The following SMG5 variants were observed in gnomAD, a reference collection of about 807,000 sequenced individuals.
The protein encoded by SMG5 is SMG5 nonsense mediated mRNA decay factor.
A neutral mutation model predicts 122.9 loss-of-function variants in SMG5; 53 were observed. The observed-to-expected ratio is 0.43, with a 90% confidence interval of 0.35 to 0.54. SMG5 has a LOEUF of 0.54. SMG5 is among the 20% of genes least tolerant of loss of function. SMG5 has a pLI of 0.01. For missense variants in SMG5, 1,153 were observed against 1,285.6 expected (o/e 0.90, Z 1.58); for synonymous variants, 477 against 490.2 (o/e 0.97, Z 0.35).
intron 4 of SMG5, among the ~76,000 whole-genome samples, chr1:156,275,393 T>C (rs1158258353): frequency 6.6e-6 from 1 of 152,224 alleles, no homozygotes; most frequent in Non-Finnish European, 1.5e-5. Flanking sequence ...TTGAGATCTT[T>C]GGAAGGCAGT....
Position 156,260,640 on chromosome 1 carries a change from G to T in SMG5, c.2108-14C>A. On this transcript the variant is annotated splice_polypyrimidine_tract_variant and intron_variant, in intron 14 of 21. Transcript: ENST00000361813. Reference sequence around the variant, plus strand: ...ACAAGGCCAGGCCTGGGCAGAAGAAGGACACATAAGACCATCTGTCCTGTG... The same window carrying T: ...ACAAGGCCAGGCCTGGGCAGAAGAATGACACATAAGACCATCTGTCCTGTG... 1 of 1,486,606 alleles carries T rather than the reference G, an allele frequency of 6.7e-7. No homozygotes were observed. Among genetic ancestry groups the T allele is most frequent in the Non-Finnish European group, 8.9e-7 (1 of 1,121,518 alleles). 92.1% of individuals were successfully genotyped at this position (1,486,606 alleles called of 1,614,324 possible).
At chr1:156,285,268 G>A, upstream of SMG5, 1 of 1,563,804 alleles carries the variant, frequency 6.4e-7, no homozygotes, top group South Asian at 1.2e-5. Context: ...AAGTGAAGAG[G>A]TCTGATTCCC....
chr1:156,290,715 G>A, the SMG5 span: 2 of 152,108 alleles, frequency 1.3e-5, no homozygotes, highest in East Asian at 3.8e-4. Flanking sequence ...CGTAGTCTCA[G>A]CTACTCAGGA....
chr1:156,271,636 T>TGC lies in SMG5; in HGVS notation c.713+683_713+684insGC, dbSNP rs1353660685. Among the ~76,000 whole-genome samples, 6 of 127,260 alleles carry TGC rather than the reference T, an allele frequency of 4.7e-5. No individual in the cohort carries two copies. In the East Asian group the frequency reaches 9.9e-4, roughly 21 times the overall value. 83.5% of individuals were successfully genotyped at this position (127,260 alleles called of 152,430 possible). A position where few individuals can be genotyped will look rare whatever the true frequency, so the allele number is the denominator to read the frequency against. On this transcript the variant is annotated intron_variant, in intron 7 of 21. Transcript: ENST00000361813. ...TTGCCCAGGCTGGAGTGCAGTGGCA[T>TGC]GATCTCGGCTCACTGCAACCTCTGC...
At chr1:156,282,549 C>CCCCTCGCCGTCTCCCCACTT (rs1663004349) in intron 1 of SMG5, 58 bp downstream of exon 1, 3 of 1,535,710 alleles carry the variant, frequency 2.0e-6, no homozygotes, top group East Asian at 4.8e-5. Flanking sequence ...GGAGGCCCCG[C>CCCCTCGCCGTCTCCCCACTT]CCCTCGCCGT....
chr1:156,251,483 G>C lies in SMG5; in HGVS notation c.2754-6C>G. On this transcript the variant is annotated splice_region_variant and splice_polypyrimidine_tract_variant and intron_variant, in intron 19 of 21. Coordinates refer to ENST00000361813, the MANE Select transcript of SMG5 (RefSeq NM_015327.3). The stretch of plus-strand genomic sequence containing the variant: ...CTTTCTGGCAGCGAATGTACCTGCA[G>C]AGGAGATGTGCGAGTGGAGGTCAGG... 6.2e-7 allele frequency: 1 copy of C among 1,613,634 alleles called. No individual in the cohort carries two copies. The highest frequency in any genetic ancestry group is 8.5e-7 in the Non-Finnish European group (1 of 1,179,894).
chr1:156,251,324 T>C (rs760305219), intron 20 of SMG5, 79 bp downstream of exon 20: 3 of 1,514,128 alleles, frequency 2.0e-6, no homozygotes, highest in Non-Finnish European at 2.8e-6. Context: ...TATCCAGCCC[T>C]ACCCGTTCTC....
chr1:156,261,262 G>T, intron 14 of SMG5, 71 bp downstream of exon 14: 1 of 1,443,302 alleles, frequency 6.9e-7, no homozygotes, highest in Non-Finnish European at 9.8e-7. Flanking sequence ...TGGGTTATGG[G>T]GAGGGGAGAT....
At position 156,260,727 on chromosome 1, in the gene SMG5, T is replaced by C. The variant is rs1017827387; in HGVS notation, c.2108-101A>G. The C allele has an allele frequency of 1.4e-5, 16 of 1,122,026 alleles. No individual in the cohort carries two copies. The African/African-American group carries it at 2.6e-4, about 18-fold the overall frequency. 69.5% of individuals were successfully genotyped at this position (1,122,026 alleles called of 1,614,324 possible). Reference sequence around the variant, plus strand: ...GGGAATTATCAGGCTGATGAGATGATGAGGCAGGACATACCCTAGGACAGT... The same window carrying C: ...GGGAATTATCAGGCTGATGAGATGACGAGGCAGGACATACCCTAGGACAGT... On this transcript the variant is annotated intron_variant, in intron 14 of 21. Coordinates refer to ENST00000361813, the MANE Select transcript of SMG5 (RefSeq NM_015327.3).
chr1:156,275,852 T>C (rs1420462153), intron 4 of SMG5, among the ~76,000 whole-genome samples: 1 of 151,752 alleles, frequency 6.6e-6, no homozygotes, highest in Non-Finnish European at 1.5e-5. Context: ...CTTGCTGTAT[T>C]GCCCCGGCTG....
intron 9 of SMG5, 140 bp downstream of exon 9, chr1:156,267,975 A>G: frequency 1.1e-6 from 1 of 905,562 alleles, no homozygotes; most frequent in Non-Finnish European, 1.7e-6. Context: ...ACAGTGAGGA[A>G]TGCCAAGAAA....
chr1:156,278,242 G>A (rs776871937), intron 2 of SMG5, among the ~76,000 whole-genome samples, 194 bp from the exon 3 acceptor site: 5 of 152,132 alleles, frequency 3.3e-5, no homozygotes, highest in African/African-American at 7.2e-5. Context: ...ACAGAAGCAC[G>A]AAGCACTAAA....
chr1:156,252,613 G>C (rs1661400693), intron 18 of SMG5, 109 bp from the exon 19 acceptor site: 3 of 1,181,626 alleles, frequency 2.5e-6, no homozygotes, highest in Non-Finnish European at 2.4e-6. Flanking sequence ...AGGCAGAGAA[G>C]GGACCCTGGC....
At chr1:156,282,321 T>C (rs1662988694) in intron 1 of SMG5, among the ~76,000 whole-genome samples, 2 of 151,882 alleles carry the variant, frequency 1.3e-5, no homozygotes, top group African/African-American at 4.8e-5. Context: ...AGCCTTCAAT[T>C]CCCACCCTAT....
upstream of SMG5, chr1:156,286,426 T>C: frequency 2.5e-6 from 4 of 1,614,222 alleles, no homozygotes; most frequent in Non-Finnish European, 3.4e-6. Context: ...TGCCCCAGGA[T>C]ACCCTCAAAC....
chr1:156,260,970 G>A (rs1293730600), intron 14 of SMG5, among the ~76,000 whole-genome samples: 1 of 152,080 alleles, frequency 6.6e-6, no homozygotes, highest in Admixed American at 6.5e-5. Context: ...TTTTCCAGCT[G>A]GAAGGTGGTA....
chr1:156,280,807 T>G (rs1662902174), intron 1 of SMG5, among the ~76,000 whole-genome samples: 2 of 152,178 alleles, frequency 1.3e-5, no homozygotes, highest in South Asian at 4.1e-4. Context: ...CTATAATCTC[T>G]CTTAGAACAA....
chr1:156,277,364 T>C, intron 3 of SMG5, 123 bp from the exon 4 acceptor site: 1 of 1,107,114 alleles, frequency 9.0e-7, no homozygotes, highest in East Asian at 2.6e-5. Context: ...CACTCACAAG[T>C]TACTGTCATA....
intron 17 of SMG5, 130 bp downstream of exon 17, chr1:156,253,319 T>G: frequency 9.8e-7 from 1 of 1,024,618 alleles, no homozygotes; most frequent in Non-Finnish European, 1.5e-6. Flanking sequence ...AGGAGGGTCA[T>G]CTGGGAGAGG....
Sources: gnomAD v4.1 joint callset for allele counts (sites outside exome capture counted in the v4.1 genomes callset) on GRCh38, gnomAD v4.1.1 for gene constraint, MANE v1.5 for transcripts, NCBI Gene and HGNC (gene_info 2026-07-23, HGNC 2026-07-21) for gene names.